STK3: variants seen among roughly 807,000 people sequenced by gnomAD.
STK3 encodes the protein serine/threonine kinase 3.
A neutral mutation model predicts 58.0 loss-of-function variants in STK3; 41 were observed. The ratio of observed to expected loss-of-function variants is 0.71; its 90% CI spans 0.55 to 0.92. The LOEUF (loss-of-function observed/expected upper bound fraction) is 0.92. Among genes scored for constraint, STK3 ranks in the 40% least tolerant of loss-of-function variants. The probability of loss-of-function intolerance (pLI) is 0.00; values close to 1 mark genes in which losing one functional copy is unlikely to be tolerated. For synonymous variants in STK3, 170 were observed against 191.0 expected, an observed-to-expected ratio of 0.89 and a Z score of 0.91; for missense variants, 479 against 602.7, an observed-to-expected ratio of 0.79 and a Z score of 2.15.
At chr8:98,731,255 G>A (rs1002232883) in intron 4 of STK3, among the ~76,000 whole-genome samples, 1 of 152,164 alleles carries the variant, frequency 6.6e-6, no homozygotes, top group Admixed American at 6.5e-5. Context: ...ATAGGGTAGG[G>A]AGAGCAAGAG....
chr8:98,497,241 T>G (rs1353455191), intron 10 of STK3, among the ~76,000 whole-genome samples: 1 of 152,120 alleles, frequency 6.6e-6, no homozygotes, highest in African/African-American at 2.4e-5. Context: ...CAACTGAATA[T>G]TGACATGCAA....
intron 1 of STK3, among the ~76,000 whole-genome samples, chr8:98,922,979 C>T (rs1839628346): frequency 6.6e-6 from 1 of 152,118 alleles, no homozygotes; most frequent in Non-Finnish European, 1.5e-5. Context: ...AAAATTGGTT[C>T]CGCTGAGGAT....
At chr8:98,781,249 T>C (rs1301550635) in intron 1 of STK3, among the ~76,000 whole-genome samples, 1 of 152,158 alleles carries the variant, frequency 6.6e-6, no homozygotes, top group East Asian at 1.9e-4. Flanking sequence ...CCAAGTAATT[T>C]TGCTGAGTTG....
At chr8:98,575,179 G>A (rs2131704540) in intron 8 of STK3, among the ~76,000 whole-genome samples, 1 of 152,256 alleles carries the variant, frequency 6.6e-6, no homozygotes, top group East Asian at 1.9e-4. Context: ...GGGTAGATGG[G>A]ATAGTGCGTG....
chr8:98,371,979 CA>C (rs954135924), intron 2 of STK3, among the ~76,000 whole-genome samples: 1 of 152,042 alleles, frequency 6.6e-6, no homozygotes, highest in Non-Finnish European at 1.5e-5. Context: ...TGAGTGGGAT[CA>C]GGGGGAGGGG....
chr8:98,926,291 T>A (rs1386828543), intron 1 of STK3, among the ~76,000 whole-genome samples: 1 of 152,188 alleles, frequency 6.6e-6, no homozygotes, highest in Non-Finnish European at 1.5e-5. Flanking sequence ...TTTTATCTGC[T>A]CTTTAGAAGT....
In STK3 at chr8:98,588,830, C is replaced by T. The variant is rs954060866; in HGVS notation, c.822+7202G>A. 3.3e-5 allele frequency among the ~76,000 whole-genome samples: 5 copies of T among 151,980 alleles called. 1 individual carries two copies. The highest frequency in any genetic ancestry group is 6.8e-3 in the Middle Eastern group (2 of 294). The stretch of plus-strand genomic sequence containing the variant: ...TCTTTTTTCTCTAAACTTCCCTTCT[C>T]GCTTCATTTCACTCATTTCATCTTC... On this transcript the variant is annotated intron_variant, in intron 7 of 10. Coordinates refer to ENST00000419617, the MANE Select transcript of STK3 (RefSeq NM_006281.4).
At chr8:98,373,656 C>T (rs1158644533) in intron 2 of STK3, among the ~76,000 whole-genome samples, 1 of 152,238 alleles carries the variant, frequency 6.6e-6, no homozygotes, top group Non-Finnish European at 1.5e-5. Context: ...GTCGCTTCAC[C>T]ATGCTGCCTC....
intron 6 of STK3, among the ~76,000 whole-genome samples, chr8:98,604,216 C>T (rs1411560625): frequency 2.0e-5 from 3 of 152,238 alleles, no homozygotes; most frequent in Non-Finnish European, 2.9e-5. Context: ...CCTGCCACCA[C>T]TTCAGATGTA....
intron 7 of STK3, among the ~76,000 whole-genome samples, chr8:98,585,311 T>C (rs1586930498): frequency 6.6e-6 from 1 of 152,248 alleles, no homozygotes; most frequent in African/African-American, 2.4e-5. Context: ...GCCTTCTACA[T>C]ATGACTAGCC....
chr8:98,387,480 G>A (rs1220378289), intron 1 of STK3, among the ~76,000 whole-genome samples: 3 of 152,240 alleles, frequency 2.0e-5, no homozygotes, highest in Non-Finnish European at 4.4e-5. Flanking sequence ...TGGGCGTGGT[G>A]GCTTACGCCT....
chr8:98,738,409 G>A (rs1200848742), intron 4 of STK3, among the ~76,000 whole-genome samples: 2 of 152,122 alleles, frequency 1.3e-5, no homozygotes, highest in African/African-American at 2.4e-5. Flanking sequence ...GGAGGCGGAA[G>A]TTGCAGTGAG....
chr8:98,406,265 ATTTTATTTTATTTTAT>A (rs971508459), intron 3 of STK3, among the ~76,000 whole-genome samples: 1 of 144,630 alleles, frequency 6.9e-6, no homozygotes, highest in African/African-American at 2.5e-5. Flanking sequence ...ATTTTATTTT[ATTTTATTTTATTTTAT>A]TTTATTTTAT....
chr8:98,869,242 G>A (rs2131870156), intron 3 of STK3, among the ~76,000 whole-genome samples: 1 of 152,186 alleles, frequency 6.6e-6, no homozygotes, highest in Middle Eastern at 3.4e-3. Context: ...CCAACATGGT[G>A]AAACACAATC....
chr8:98,845,816 A>C (rs1274608156), intron 3 of STK3, among the ~76,000 whole-genome samples: 1 of 152,216 alleles, frequency 6.6e-6, no homozygotes, highest in African/African-American at 2.4e-5. Context: ...TGATTGGAAG[A>C]CTTGTAGCAG....
chr8:98,790,093 C>T (rs1350357581), intron 1 of STK3, among the ~76,000 whole-genome samples: 1 of 147,848 alleles, frequency 6.8e-6, no homozygotes, highest in Non-Finnish European at 1.5e-5. Flanking sequence ...GTCTACCAGA[C>T]ATTCAAAGAA....
chr8:98,365,646 C>T, the STK3 span, among the ~76,000 whole-genome samples: 58 of 152,282 alleles, frequency 3.8e-4, no homozygotes, highest in African/African-American at 1.4e-3. Context: ...CCCTCCCTCC[C>T]TCCCCAGAGC....
At chr8:98,469,242 C>T (rs1820722965) in intron 10 of STK3, among the ~76,000 whole-genome samples, 1 of 120,694 alleles carries the variant, frequency 8.3e-6, no homozygotes, top group Non-Finnish European at 1.7e-5. Context: ...TCCAAAAAGG[C>T]TTTTCTTTGC....
At chr8:98,465,766 C>CTGA (rs1023327622) in intron 10 of STK3, among the ~76,000 whole-genome samples, 4 of 152,180 alleles carry the variant, frequency 2.6e-5, no homozygotes, top group Non-Finnish European at 5.9e-5. Context: ...GAGTTACAAA[C>CTGA]TGATGAGCAT....
Sources: gnomAD v4.1 joint callset for allele counts (sites outside exome capture counted in the v4.1 genomes callset) on GRCh38, gnomAD v4.1.1 for gene constraint, MANE v1.5 for transcripts, NCBI Gene and HGNC (gene_info 2026-07-23, HGNC 2026-07-21) for gene names.